Variants in TLN2 observed in about 807,000 individuals in gnomAD.
TLN2 encodes talin-2.
Under a neutral mutation model 294.7 loss-of-function variants are expected in TLN2, and 118 were observed. The observed-to-expected ratio is 0.40, with a 90% confidence interval of 0.34 to 0.47. The LOEUF (loss-of-function observed/expected upper bound fraction) is 0.47. Among genes scored for constraint, TLN2 ranks in the 20% least tolerant of loss-of-function variants. The probability of loss-of-function intolerance (pLI) is 0.84; values close to 1 mark genes in which losing one functional copy is unlikely to be tolerated. For missense variants in TLN2, 3,083 were observed against 3,282.2 expected, an observed-to-expected ratio of 0.94 and a Z score of 1.48; for synonymous variants, 1,431 against 1,304.5, an observed-to-expected ratio of 1.10 and a Z score of -2.09.
chr15:62,451,749 A>G (rs1367612089), intron 1 of TLN2, among the ~76,000 whole-genome samples: 1 of 152,212 alleles, frequency 6.6e-6, no homozygotes, highest in Non-Finnish European at 1.5e-5. Context: ...GCTGTCCTCA[A>G]GTAGCTTTTG....
At chr15:62,606,672 A>G (rs1247321698) in intron 2 of TLN2, among the ~76,000 whole-genome samples, 1 of 152,150 alleles carries the variant, frequency 6.6e-6, no homozygotes, top group Non-Finnish European at 1.5e-5. Context: ...TTTCATCTGG[A>G]TAAGTACAGT....
At chr15:62,595,412 CAAA>C (rs35989710) in intron 2 of TLN2, among the ~76,000 whole-genome samples, 1 of 82,184 alleles carries the variant, frequency 1.2e-5, no homozygotes. Flanking sequence ...GACTCCGTCT[CAAA>C]AAAAAAAAAA....
At chr15:62,641,769 C>A (rs1391175406) in intron 3 of TLN2, among the ~76,000 whole-genome samples, 1 of 152,154 alleles carries the variant, frequency 6.6e-6, no homozygotes, top group Non-Finnish European at 1.5e-5. Flanking sequence ...AGGCAGATGG[C>A]AGTTAAGTGA....
chr15:62,627,610 A>C (rs748863739), intron 3 of TLN2, among the ~76,000 whole-genome samples: 1 of 152,242 alleles, frequency 6.6e-6, no homozygotes, highest in African/African-American at 2.4e-5. Flanking sequence ...ACATTATTTT[A>C]AAAGTCGAAA....
chr15:62,521,395 G>A (rs1020325961), intron 1 of TLN2, among the ~76,000 whole-genome samples: 2 of 152,184 alleles, frequency 1.3e-5, no homozygotes, highest in African/African-American at 2.4e-5. Context: ...ACTGATATGA[G>A]TGACCATGGC....
chr15:62,680,097 T>A (rs539821782), intron 11 of TLN2, among the ~76,000 whole-genome samples: 2 of 152,220 alleles, frequency 1.3e-5, no homozygotes, highest in Non-Finnish European at 2.9e-5. Flanking sequence ...AGCCCTAACA[T>A]CAGATAAATT....
intron 33 of TLN2, among the ~76,000 whole-genome samples, chr15:62,749,352 A>G (rs1042194832): frequency 6.6e-6 from 1 of 152,232 alleles, no homozygotes; most frequent in African/African-American, 2.4e-5. Context: ...TTACTACCCT[A>G]TTCTGCTGTG....
intron 44 of TLN2, among the ~76,000 whole-genome samples, chr15:62,783,267 A>G (rs1475878486): frequency 6.6e-6 from 1 of 152,230 alleles, no homozygotes; most frequent in African/African-American, 2.4e-5. Context: ...CCCTGTCCTC[A>G]TGCCCTCTCT....
At chr15:62,505,241 G>A (rs2039551444) in intron 1 of TLN2, among the ~76,000 whole-genome samples, 1 of 152,162 alleles carries the variant, frequency 6.6e-6, no homozygotes, top group Admixed American at 6.5e-5. Flanking sequence ...ACAGGCGTGA[G>A]CCACTGTGCT....
chr15:62,465,104 G>GTTTTTTTTTTTTTTTT (rs57890839), intron 1 of TLN2, among the ~76,000 whole-genome samples: 3 of 85,514 alleles, frequency 3.5e-5, no homozygotes, highest in African/African-American at 4.5e-5. Context: ...TGGTGAGCGC[G>GTTTTTTTTTTTTTTTT]TTTTTTTTTT....
intron 1 of TLN2, among the ~76,000 whole-genome samples, chr15:62,519,272 C>A (rs1329893848): frequency 6.6e-6 from 1 of 152,138 alleles, no homozygotes; most frequent in Non-Finnish European, 1.5e-5. Context: ...GTCTCAGTAC[C>A]TTTGGGTGGG....
intron 1 of TLN2, among the ~76,000 whole-genome samples, chr15:62,575,120 C>G (rs2044275098): frequency 6.6e-6 from 1 of 152,066 alleles, no homozygotes; most frequent in African/African-American, 2.4e-5. Context: ...CAAGACCAGT[C>G]TGGGCAACAT....
At chr15:62,576,567 G>C (rs79630563) in intron 1 of TLN2, among the ~76,000 whole-genome samples, 4,805 of 147,376 alleles carry the variant, frequency 0.033, 97 homozygotes, top group South Asian at 0.083. Flanking sequence ...GAGACCCACA[G>C]AGAGACATGA....
chr15:62,673,310 C>CTTTTTTTTTTTGTTTTTTTTTTT (rs2055689572), intron 9 of TLN2, among the ~76,000 whole-genome samples: 1 of 42,856 alleles, frequency 2.3e-5, no homozygotes, highest in Non-Finnish European at 4.3e-5. Context: ...TTAGATGTTG[C>CTTTTTTTTTTTGTTTTTTTTTTT]TTTTTTTTTT....
At chr15:62,458,015 C>T (rs139694402) in intron 1 of TLN2, among the ~76,000 whole-genome samples, 2 of 152,314 alleles carry the variant, frequency 1.3e-5, no homozygotes, top group African/African-American at 4.8e-5. Context: ...CAGTTGACAA[C>T]GACATGATGG....
chr15:62,737,966 G>T lies in TLN2; in HGVS notation c.3568-248G>T, dbSNP rs1024613769. Among the ~76,000 whole-genome samples the T allele has an allele frequency of 3.9e-5, 6 of 152,276 alleles. No individual in the cohort carries two copies. In the South Asian group the frequency reaches 6.2e-4, roughly 16 times the overall value. On this transcript the variant is annotated intron_variant, in intron 29 of 58. Coordinates refer to ENST00000636159, the MANE Select transcript of TLN2 (RefSeq NM_015059.3). ...TGGCTTACCCTGGCTTTGGGGAGCAGGTGGGATGTGCTGTGTCACTGTGTC... is the reference window on the plus strand; with the variant it reads ...TGGCTTACCCTGGCTTTGGGGAGCATGTGGGATGTGCTGTGTCACTGTGTC...
chr15:62,801,149 C>G (rs1044467551), intron 50 of TLN2, among the ~76,000 whole-genome samples: 4 of 152,210 alleles, frequency 2.6e-5, no homozygotes, highest in African/African-American at 9.6e-5. Context: ...GCACATTGCT[C>G]TTGGTACCCG....
At chr15:62,412,494 G>C (rs1337539769) in intron 1 of TLN2, among the ~76,000 whole-genome samples, 2 of 152,164 alleles carry the variant, frequency 1.3e-5, no homozygotes, top group African/African-American at 4.8e-5. Context: ...AGGGAGACAG[G>C]AGCATGTGTT....
chr15:62,710,883 G>A (rs1264003292), intron 21 of TLN2, among the ~76,000 whole-genome samples: 1 of 151,718 alleles, frequency 6.6e-6, no homozygotes, highest in African/African-American at 2.4e-5. Flanking sequence ...CCACCACCAC[G>A]CCCGGCTAAT....
Sources: allele counts gnomAD v4.1 joint callset (sites outside exome capture counted in the v4.1 genomes callset), GRCh38; gene constraint gnomAD v4.1.1; transcripts MANE v1.5; gene names NCBI Gene and HGNC (gene_info 2026-07-23, HGNC 2026-07-21).